Variants in RAB44 observed in about 807,000 individuals in gnomAD.
RAB44 encodes the protein RAB44, member RAS oncogene family.
In RAB44, 67 loss-of-function variants were observed where a neutral mutation model predicts 93.3. That is an observed-to-expected ratio of 0.72 (90% CI 0.59 to 0.88). RAB44 has a LOEUF of 0.88. Ranked by LOEUF, RAB44 falls within the 40% of genes least tolerant of loss-of-function variation. The probability of loss-of-function intolerance (pLI) is 0.00; values close to 1 mark genes in which losing one functional copy is unlikely to be tolerated. For synonymous variants in RAB44, 427 were observed against 520.3 expected (o/e 0.82, Z 2.44); for missense variants, 1,064 against 1,261.7 (o/e 0.84, Z 2.37).
chr6:36,714,086 TC>T, intron 3 of RAB44, 147 bp downstream of exon 3: 2 of 617,138 alleles, frequency 3.2e-6, no homozygotes, highest in Non-Finnish European at 2.9e-6. Context: ...TCCGGGGCCC[TC>T]CCCTGTGCAT....
chr6:36,729,364 A>G (rs1157061723), intron 12 of RAB44, among the ~76,000 whole-genome samples: 1 of 151,990 alleles, frequency 6.6e-6, no homozygotes, highest in Admixed American at 6.6e-5. Flanking sequence ...CCCACCTCTC[A>G]CACAACCCCT....
chr6:36,715,539 C>A lies in RAB44; in HGVS notation c.380C>A (p.Ser127Tyr), dbSNP rs950811499. ...CTCCGCAGAAGGAAGCCACTGCCCT[C>A]TAAGCGGGTATCTGCTACCACCAGC... ...HRLRRRKPLPSKRVSATTSFP... is the reference protein window; with the variant it reads ...HRLRRRKPLPYKRVSATTSFP... The change falls in exon 4 of 14, where the codon TCT becomes TAT. Residue 127 changes from serine (S) to tyrosine (Y), a missense_variant. Coordinates refer to ENST00000612677, the MANE Select transcript of RAB44 (RefSeq NM_001257357.2). 19 of 1,536,174 alleles carry A rather than the reference C, an allele frequency of 1.2e-5. 1 individual carries two copies. The East Asian group carries it at 4.6e-4, about 38-fold the overall frequency.
intron 13 of RAB44, 21 bp downstream of exon 13, chr6:36,730,770 G>A (rs890247929): frequency 1.1e-5 from 8 of 710,470 alleles, no homozygotes; most frequent in South Asian, 7.3e-5. Context: ...CCCGCCCCCC[G>A]CCGCCCCCAC....
At chr6:36,720,953 G>A (rs1335239103) in intron 8 of RAB44, among the ~76,000 whole-genome samples, 198 bp from the exon 9 acceptor site, 3 of 152,200 alleles carry the variant, frequency 2.0e-5, no homozygotes, top group Non-Finnish European at 2.9e-5. Flanking sequence ...GAGGCTTCAT[G>A]TGGGTCTTGA....
At position 36,732,372 on chromosome 6, in the gene RAB44, C is replaced by A; in HGVS notation, c.*279C>A. 3.9e-6 allele frequency: 1 copy of A among 257,628 alleles called. No homozygotes were observed. Among genetic ancestry groups the A allele is most frequent in the Non-Finnish European group, 7.2e-6 (1 of 138,122 alleles). 16.0% of individuals were successfully genotyped at this position (257,628 alleles called of 1,614,324 possible). A position where few individuals can be genotyped will look rare whatever the true frequency, so the allele number is the denominator to read the frequency against. The stretch of plus-strand genomic sequence containing the variant: ...GAAAAACGACTTAAGGAAAATACAC[C>A]AAAATATTGGCCGCACATCTGTGGG... On this transcript the variant is annotated 3_prime_UTR_variant, in exon 14 of 14. Transcript: ENST00000612677.
chr6:36,704,614 C>T (rs1278199482), intron 2 of RAB44, among the ~76,000 whole-genome samples, 172 bp downstream of exon 2: 1 of 152,158 alleles, frequency 6.6e-6, no homozygotes, highest in African/African-American at 2.4e-5. Flanking sequence ...ACAGGTAAGG[C>T]TTTATGTGTT....
In RAB44 at chr6:36,718,066, A is replaced by G. The variant is rs866946644; in HGVS notation, c.680A>G (p.Tyr227Cys). The change falls in exon 6 of 14, where the codon TAT (tyrosine) becomes TGT (cysteine). Residue 227 changes from tyrosine (Y) to cysteine (C), a missense_variant. Transcript: ENST00000612677. ...SDHHREVQQL[Y>C]EEMEQQIRQE... is the part of the protein sequence containing the mutation. The stretch of plus-strand genomic sequence containing the variant: ...CACCACCGCGAGGTCCAGCAGCTCT[A>G]TGAGGAGATGGAGCAGCAGATCCGC... 4.5e-5 allele frequency: 56 copies of G among 1,231,750 alleles called. No homozygotes were observed. In the Middle Eastern group the frequency reaches 1.9e-3, roughly 41 times the overall value. The allele number at this position is 1,231,750 out of a possible 1,614,324, so 76.3% of individuals were successfully genotyped here. A position where few individuals can be genotyped will look rare whatever the true frequency, so the allele number is the denominator to read the frequency against.
Position 36,721,181 on chromosome 6 carries a change from C to A in RAB44, c.1047C>A (p.Asp349Glu). The A allele has an allele frequency of 5.4e-6, 6 of 1,113,590 alleles. No individual in the cohort carries two copies. The highest frequency in any genetic ancestry group is 3.4e-5 in the East Asian group (1 of 29,776). 69.0% of individuals were successfully genotyped at this position (1,113,590 alleles called of 1,614,324 possible). A position where few individuals can be genotyped will look rare whatever the true frequency, so the allele number is the denominator to read the frequency against. Residue 349 changes from aspartate (D) to glutamate (E), a missense_variant, in exon 9 of 14, where the codon GAC (aspartate) becomes GAA (glutamate). Coordinates refer to ENST00000612677, the MANE Select transcript of RAB44 (RefSeq NM_001257357.2). ...CTGGAGCGGGTGAGAAGACCCCAGA[C>A]CCTCAGGCTGCCTCCCCTGAGGAGG... ...SFPGAGEKTP[D>E]PQAASPEEAP...
chr6:36,726,039 A>C, intron 10 of RAB44, 96 bp downstream of exon 10: 1 of 926,520 alleles, frequency 1.1e-6, no homozygotes, highest in Non-Finnish European at 1.7e-6. Flanking sequence ...GCAGGAGGCA[A>C]CTGCCCCCCA....
At chr6:36,710,740 T>C (rs1762765075) in intron 2 of RAB44, among the ~76,000 whole-genome samples, 2 of 152,058 alleles carry the variant, frequency 1.3e-5, no homozygotes. Flanking sequence ...TGCCTCAGCC[T>C]CCTGAGTAGA....
chr6:36,715,919 T>C (rs236492), intron 4 of RAB44, among the ~76,000 whole-genome samples: 24,831 of 152,166 alleles, frequency 0.16, 3,617 homozygotes, highest in African/African-American at 0.39. Context: ...TTCCCACCCC[T>C]GCACCTCCCG....
At chr6:36,702,293 GGAGAGAGAGAGAGAGAGA>G (rs567475229) in intron 1 of RAB44, among the ~76,000 whole-genome samples, 7 of 115,140 alleles carry the variant, frequency 6.1e-5, no homozygotes, top group Non-Finnish European at 1.0e-4. Flanking sequence ...CTTCGAAGGG[GGAGAGAGAGAGAGAGAGA>G]GAGAGAGAGA....
chr6:36,715,659 G>T lies in RAB44; in HGVS notation c.494+6G>T. The stretch of plus-strand genomic sequence containing the variant: ...ACTGGACACTTACTTCCCAAGTAAG[G>T]CCAGGGCGGCATGTGCATGGGGAGA... On this transcript the variant is annotated splice_donor_region_variant and intron_variant, in intron 4 of 13. Coordinates refer to ENST00000612677, the MANE Select transcript of RAB44 (RefSeq NM_001257357.2). 2.0e-6 allele frequency: 3 copies of T among 1,535,440 alleles called. No individual in the cohort carries two copies. Among genetic ancestry groups the T allele is most frequent in the South Asian group, 2.4e-5 (2 of 84,044 alleles).
At chr6:36,709,493 T>G (rs1762729086) in intron 2 of RAB44, among the ~76,000 whole-genome samples, 4 of 152,244 alleles carry the variant, frequency 2.6e-5, no homozygotes, top group Admixed American at 2.6e-4. Context: ...GACAAAGTTT[T>G]GTTTGTCTGT....
At chr6:36,727,526 G>A in intron 10 of RAB44, 51 bp from the exon 11 acceptor site, 1 of 1,323,014 alleles carries the variant, frequency 7.6e-7, no homozygotes, top group Non-Finnish European at 1.1e-6. Flanking sequence ...GCAGAGGCCA[G>A]GGCCTGGGGT....
At position 36,722,658 on chromosome 6, in the gene RAB44, T is replaced by C. The variant is rs370088827; in HGVS notation, c.2524T>C (p.Ser842Pro). ...YLFHVIFLGD[S>P]NVGKTSFLHL... is the part of the protein sequence containing the mutation. ...CTTCCATGTCATCTTTCTGGGAGAC[T>C]CCAACGTGGGCAAAACATCCTTCCT... The change falls in exon 9 of 14, where the codon TCC becomes CCC. Residue 842 changes from serine (S) to proline (P), a missense_variant. By Grantham distance (74) the Ser-to-Pro change is moderately conservative. Coordinates refer to ENST00000612677, the MANE Select transcript of RAB44 (RefSeq NM_001257357.2). The C allele has an allele frequency of 1.1e-4, 163 of 1,550,664 alleles. No homozygotes were observed. Among genetic ancestry groups the C allele is most frequent in the Middle Eastern group, 5.0e-4 (3 of 5,992 alleles).
intron 9 of RAB44, among the ~76,000 whole-genome samples, chr6:36,724,737 T>C (rs981173452): frequency 5.3e-5 from 8 of 152,158 alleles, no homozygotes; most frequent in Admixed American, 5.2e-4. Flanking sequence ...TGGGAGTACC[T>C]GAGATCCAAG....
At chr6:36,700,365 C>A (rs1468498090) in intron 1 of RAB44, among the ~76,000 whole-genome samples, 1 of 152,218 alleles carries the variant, frequency 6.6e-6, no homozygotes, top group Non-Finnish European at 1.5e-5. Context: ...TGTGAGCCTC[C>A]TTTTCTGCAT....
At position 36,717,967 on chromosome 6, in the gene RAB44, C is replaced by A; in HGVS notation, c.642-61C>A. 9.2e-7 allele frequency: 1 copy of A among 1,085,908 alleles called. No individual in the cohort carries two copies. 67.3% of individuals were successfully genotyped at this position (1,085,908 alleles called of 1,614,324 possible). On this transcript the variant is annotated intron_variant, in intron 5 of 13. Transcript: ENST00000612677. The surrounding 1 kb of genome is among the most constrained non-coding windows in gnomAD (Gnocchi z 4.1). ...CAAACCCAAGCCCAGACTGCCCCTG[C>A]CAGCAGCAGGCTCCCAGAGGTGCTG...
Sources: allele counts gnomAD v4.1 joint callset (sites outside exome capture counted in the v4.1 genomes callset), GRCh38; gene constraint gnomAD v4.1.1; non-coding constraint Gnocchi (gnomAD v3.1); transcripts MANE v1.5; gene names NCBI Gene and HGNC (gene_info 2026-07-23, HGNC 2026-07-21).